The following FHIT variants were observed in gnomAD, a reference collection of about 807,000 sequenced individuals.
FHIT encodes the protein fragile histidine triad diadenosine triphosphatase, also known as bis(5'-adenosyl)-triphosphatase.
Under a neutral mutation model 17.9 loss-of-function variants are expected in FHIT, and 19 were observed. The ratio of observed to expected loss-of-function variants is 1.06; its 90% CI spans 0.74 to 1.56. FHIT has a LOEUF of 1.56. Among genes scored for constraint, FHIT ranks in the 40% most tolerant of loss-of-function variants. FHIT has a pLI of 0.00. For synonymous variants in FHIT, 81 were observed against 69.7 expected, an observed-to-expected ratio of 1.16 and a Z score of -0.81; for missense variants, 248 against 189.2, an observed-to-expected ratio of 1.31 and a Z score of -1.82.
At chr3:60,724,664 T>TC (rs1186177848) in intron 4 of FHIT, among the ~76,000 whole-genome samples, 2 of 149,760 alleles carry the variant, frequency 1.3e-5, no homozygotes, top group African/African-American at 4.9e-5. Context: ...TTTTTTGTTT[T>TC]TTTTTTTTTT....
At chr3:60,345,344 T>G (rs1710722664) in intron 5 of FHIT, among the ~76,000 whole-genome samples, 1 of 152,196 alleles carries the variant, frequency 6.6e-6, no homozygotes. Flanking sequence ...CTGACCTTCC[T>G]GGTCTACAGC....
intron 4 of FHIT, among the ~76,000 whole-genome samples, chr3:60,575,271 A>G (rs2037527599): frequency 6.6e-6 from 1 of 152,192 alleles, no homozygotes; most frequent in Non-Finnish European, 1.5e-5. Context: ...TGAGAAAGGT[A>G]TGTCGGAAGG....
chr3:59,979,846 C>T (rs547727129), intron 7 of FHIT, among the ~76,000 whole-genome samples: 2 of 152,108 alleles, frequency 1.3e-5, no homozygotes, highest in African/African-American at 4.8e-5. Context: ...TAAAAAGCAA[C>T]AGAAATGAGA....
chr3:60,837,885 G>A (rs183587591), intron 3 of FHIT, among the ~76,000 whole-genome samples: 142 of 151,988 alleles, frequency 9.3e-4, no homozygotes, highest in African/African-American at 3.3e-3. Flanking sequence ...CCCTATCTCC[G>A]CACTTTGCAT....
intron 5 of FHIT, among the ~76,000 whole-genome samples, chr3:60,391,717 T>G (rs1009966378): frequency 4.6e-5 from 7 of 152,178 alleles, no homozygotes; most frequent in Non-Finnish European, 7.3e-5. Context: ...CCATCTAGAT[T>G]TGTGTAAGTA....
chr3:60,976,467 C>T (rs781096192), intron 3 of FHIT, among the ~76,000 whole-genome samples: 12 of 151,900 alleles, frequency 7.9e-5, no homozygotes, highest in Admixed American at 3.3e-4. Flanking sequence ...GATCCAAAGA[C>T]GACACTATCT....
chr3:61,173,458 G>T (rs1222549242), intron 2 of FHIT, among the ~76,000 whole-genome samples: 6 of 152,102 alleles, frequency 3.9e-5, no homozygotes, highest in African/African-American at 1.4e-4. Context: ...ATTTATTATT[G>T]TTAGAATGCT....
intron 5 of FHIT, among the ~76,000 whole-genome samples, chr3:60,465,471 A>G (rs1005362911): frequency 3.9e-5 from 6 of 152,114 alleles, no homozygotes; most frequent in Non-Finnish European, 8.8e-5. Context: ...GCCAAGACCA[A>G]TGTCCTGGAG....
chr3:59,930,610 T>C (rs1331529364), intron 7 of FHIT, among the ~76,000 whole-genome samples: 3 of 152,192 alleles, frequency 2.0e-5, no homozygotes, highest in African/African-American at 7.2e-5. Flanking sequence ...AGAGCAGCTC[T>C]GTTTTATCTG....
At chr3:60,969,768 T>G (rs902071543) in intron 3 of FHIT, among the ~76,000 whole-genome samples, 6 of 152,202 alleles carry the variant, frequency 3.9e-5, no homozygotes, top group Non-Finnish European at 1.5e-5. Context: ...ACTAAATCTT[T>G]AAAAATGTAT....
At chr3:60,244,479 A>G (rs1395725550) in intron 5 of FHIT, among the ~76,000 whole-genome samples, 1 of 152,134 alleles carries the variant, frequency 6.6e-6, no homozygotes, top group African/African-American at 2.4e-5. Flanking sequence ...AGAATAATGT[A>G]ACAAGATAAT....
At chr3:59,960,602 G>C (rs563939912) in intron 7 of FHIT, among the ~76,000 whole-genome samples, 2 of 152,274 alleles carry the variant, frequency 1.3e-5, no homozygotes, top group African/African-American at 4.8e-5. Flanking sequence ...AATGGTTGAG[G>C]CTTTGGGATA....
At chr3:60,311,513 C>T (rs1215994843) in intron 5 of FHIT, among the ~76,000 whole-genome samples, 1 of 152,146 alleles carries the variant, frequency 6.6e-6, no homozygotes, top group African/African-American at 2.4e-5. Context: ...CACAAGACTG[C>T]TTAATATTCT....
chr3:60,553,845 G>C (rs981557594), intron 4 of FHIT, among the ~76,000 whole-genome samples: 3 of 152,020 alleles, frequency 2.0e-5, no homozygotes, highest in Non-Finnish European at 4.4e-5. Flanking sequence ...CAGCACTTTA[G>C]GAGGCCTAGG....
intron 4 of FHIT, among the ~76,000 whole-genome samples, chr3:60,692,208 A>G (rs1288228617): frequency 3.3e-5 from 5 of 152,220 alleles, no homozygotes; most frequent in African/African-American, 1.2e-4. Flanking sequence ...TAGTTTCAGC[A>G]TAGATATAGT....
chr3:60,050,316 T>A (rs2106875935), intron 5 of FHIT, among the ~76,000 whole-genome samples: 1 of 152,312 alleles, frequency 6.6e-6, no homozygotes. Context: ...AAATTTTACC[T>A]TTATTATTTC....
intron 5 of FHIT, among the ~76,000 whole-genome samples, chr3:60,248,351 G>A (rs747282434): frequency 1.3e-5 from 2 of 152,090 alleles, no homozygotes; most frequent in African/African-American, 4.8e-5. Flanking sequence ...ATCAACTGGG[G>A]ATCTGTGAAA....
intron 5 of FHIT, among the ~76,000 whole-genome samples, chr3:60,113,633 T>C (rs1030722718): frequency 1.3e-5 from 2 of 151,744 alleles, no homozygotes; most frequent in Non-Finnish European, 2.9e-5. Flanking sequence ...TGAAAAGTGT[T>C]TTGGAGACGG....
At chr3:59,783,404 G>A (rs1702690112) in intron 8 of FHIT, among the ~76,000 whole-genome samples, 1 of 152,140 alleles carries the variant, frequency 6.6e-6, no homozygotes, top group Admixed American at 6.5e-5. Flanking sequence ...CGGAGGTGTA[G>A]GTTGCAGTGA....
Sources: gnomAD v4.1 joint callset for allele counts (sites outside exome capture counted in the v4.1 genomes callset) on GRCh38, gnomAD v4.1.1 for gene constraint, MANE v1.5 for transcripts, NCBI Gene and HGNC (gene_info 2026-07-23, HGNC 2026-07-21) for gene names.